The following STX18 variants were observed in gnomAD, a reference collection of about 807,000 sequenced individuals.
STX18 encodes the protein syntaxin 18.
In STX18, 40 loss-of-function variants were observed where a neutral mutation model predicts 50.1. That is an observed-to-expected ratio of 0.80 (90% CI 0.62 to 1.04). The LOEUF (loss-of-function observed/expected upper bound fraction) is 1.04, where lower values mean the gene tolerates loss of function less well. Ranked by LOEUF, STX18 falls within the 50% of genes least tolerant of loss-of-function variation. The probability of loss-of-function intolerance (pLI) is 0.00; values close to 1 mark genes in which losing one functional copy is unlikely to be tolerated. For synonymous variants in STX18, 158 were observed against 151.8 expected, an observed-to-expected ratio of 1.04 and a Z score of -0.30; for missense variants, 410 against 415.8, an observed-to-expected ratio of 0.99 and a Z score of 0.12.
intron 5 of STX18, among the ~76,000 whole-genome samples, chr4:4,446,005 G>A (rs1400950935): frequency 6.6e-6 from 1 of 152,186 alleles, no homozygotes; most frequent in Non-Finnish European, 1.5e-5. Context: ...ACTGAATAGA[G>A]TCCAGAAACA....
intron 1 of STX18, 66 bp downstream of exon 1, chr4:4,541,731 G>C: frequency 6.5e-7 from 1 of 1,541,196 alleles, no homozygotes; most frequent in Non-Finnish European, 8.8e-7. Context: ...TCTGGTTTGG[G>C]GCCCGGGGTC....
chr4:4,507,571 C>T, intron 1 of STX18: 2 of 762,834 alleles, frequency 2.6e-6, no homozygotes, highest in Non-Finnish European at 4.9e-6. Flanking sequence ...ACTCTGACAG[C>T]TGTGCACGAC....
chr4:4,447,215 T>A (rs1249461658), intron 5 of STX18, among the ~76,000 whole-genome samples: 1 of 152,208 alleles, frequency 6.6e-6, no homozygotes, highest in Non-Finnish European at 1.5e-5. Flanking sequence ...AAGATACTCA[T>A]CTGCCAGAAT....
rs1490489763 is a variant in STX18, at chr4:4,420,757, G to C, written c.912+107C>G. Reference sequence around the variant, plus strand: ...CACAATTTTGTGATCAGCCCCGTGAGCTCTGCCCAGCAAGGCTCCTGGGCA... The same window carrying C: ...CACAATTTTGTGATCAGCCCCGTGACCTCTGCCCAGCAAGGCTCCTGGGCA... On this transcript the variant is annotated intron_variant, in intron 10 of 10. Transcript: ENST00000306200. The surrounding 1 kb of genome is among the most constrained non-coding windows in gnomAD (Gnocchi z 4.3). 3 of 1,023,760 alleles carry C rather than the reference G, an allele frequency of 2.9e-6. No individual in the cohort carries two copies. The African/African-American group carries it at 4.7e-5, about 16-fold the overall frequency. 63.4% of individuals were successfully genotyped at this position (1,023,760 alleles called of 1,614,324 possible).
chr4:4,500,593 G>A (rs910976575), intron 1 of STX18, among the ~76,000 whole-genome samples: 9 of 152,166 alleles, frequency 5.9e-5, no homozygotes, highest in Non-Finnish European at 1.5e-5. Context: ...GGATACCAAG[G>A]GATGACCATA....
chr4:4,507,609 A>G (rs996603356), intron 1 of STX18: 9 of 765,702 alleles, frequency 1.2e-5, no homozygotes, highest in South Asian at 8.2e-5. Flanking sequence ...GATCTTCCCA[A>G]GCGAAATTGT....
intron 7 of STX18, among the ~76,000 whole-genome samples, chr4:4,432,646 G>A (rs1725573393): frequency 6.6e-6 from 1 of 152,250 alleles, no homozygotes; most frequent in Admixed American, 6.5e-5. Flanking sequence ...AGCAGTGAGA[G>A]GGCCCAGGGC....
At chr4:4,518,135 TA>T (rs1730365299) in intron 1 of STX18, among the ~76,000 whole-genome samples, 1 of 152,226 alleles carries the variant, frequency 6.6e-6, no homozygotes, top group South Asian at 2.1e-4. Flanking sequence ...GAAGTGGCTT[TA>T]AAACTTAAAT....
At chr4:4,485,217 G>T (rs1220650009) in intron 1 of STX18, among the ~76,000 whole-genome samples, 1 of 152,180 alleles carries the variant, frequency 6.6e-6, no homozygotes, top group East Asian at 1.9e-4. Context: ...AATGCTGAAG[G>T]TGACTACAGG....
intron 2 of STX18, among the ~76,000 whole-genome samples, chr4:4,470,527 C>T (rs1727858487): frequency 6.6e-6 from 1 of 152,018 alleles, no homozygotes; most frequent in Non-Finnish European, 1.5e-5. Flanking sequence ...CATGTACAGC[C>T]TGGTGACAAA....
chr4:4,443,219 T>C (rs1234944745), intron 5 of STX18, among the ~76,000 whole-genome samples: 1 of 152,366 alleles, frequency 6.6e-6, no homozygotes, highest in Non-Finnish European at 1.5e-5. Flanking sequence ...TTATTAATTA[T>C]AGCAATTTCG....
At chr4:4,456,827 C>T (rs1017938343) in intron 5 of STX18, among the ~76,000 whole-genome samples, 11 of 152,148 alleles carry the variant, frequency 7.2e-5, no homozygotes, top group African/African-American at 2.2e-4. Flanking sequence ...CCAGCCTCAT[C>T]GGGTTAAGAG....
chr4:4,425,201 G>C lies in STX18; in HGVS notation c.724C>G (p.Leu242Val). The C allele has an allele frequency of 1.2e-6, 2 of 1,614,166 alleles. No individual in the cohort carries two copies. ...AACAAGCTGTTCATTTCACCAATTAGTCGCTGATTTTCCTGTTCAAACTGT... is the reference window on the plus strand; with the variant it reads ...AACAAGCTGTTCATTTCACCAATTACTCGCTGATTTTCCTGTTCAAACTGT... ...IQMFEQENQRLIGEMNSLFDE... is the reference protein window; with the variant it reads ...IQMFEQENQRVIGEMNSLFDE... Residue 242 changes from leucine (L) to valine (V), a missense_variant, in exon 8 of 11, where the codon CTA becomes GTA. Physicochemically the swap from Leu to Val is conservative, Grantham distance 32. Coordinates refer to ENST00000306200, the MANE Select transcript of STX18 (RefSeq NM_016930.4).
At chr4:4,457,393 A>T in intron 4 of STX18, 30 bp downstream of exon 4, 1 of 1,596,262 alleles carries the variant, frequency 6.3e-7, no homozygotes, top group Non-Finnish European at 8.6e-7. Context: ...GTGAAATGTT[A>T]CATTTGACCT....
At chr4:4,451,392 C>T (rs373418155) in intron 5 of STX18, among the ~76,000 whole-genome samples, 6 of 152,312 alleles carry the variant, frequency 3.9e-5, no homozygotes, top group South Asian at 4.1e-4. Flanking sequence ...CAGATTTCAG[C>T]GTGGCTCTTA....
At chr4:4,435,751 G>T (rs1725742533) in intron 6 of STX18, among the ~76,000 whole-genome samples, 1 of 152,178 alleles carries the variant, frequency 6.6e-6, no homozygotes, top group Non-Finnish European at 1.5e-5. Context: ...TGCTGAAAGG[G>T]AGCGTAGGAA....
intron 1 of STX18, among the ~76,000 whole-genome samples, chr4:4,473,009 G>A (rs1261116681): frequency 1.3e-5 from 2 of 152,174 alleles, no homozygotes; most frequent in Admixed American, 1.3e-4. Context: ...AGCAAATCAG[G>A]ACTGAGAGAC....
intron 7 of STX18, among the ~76,000 whole-genome samples, chr4:4,431,564 C>T (rs754397506): frequency 1.3e-5 from 2 of 152,140 alleles, no homozygotes; most frequent in Non-Finnish European, 2.9e-5. Flanking sequence ...CAAGCCCATC[C>T]TTCAAACATC....
At chr4:4,495,957 G>A (rs537555857) in intron 1 of STX18, among the ~76,000 whole-genome samples, 1 of 152,228 alleles carries the variant, frequency 6.6e-6, no homozygotes, top group South Asian at 2.1e-4. Flanking sequence ...GTGAATAAGA[G>A]CATCTATGAT....
Sources: gnomAD v4.1 joint callset for allele counts (sites outside exome capture counted in the v4.1 genomes callset) on GRCh38, gnomAD v4.1.1 for gene constraint, Gnocchi (gnomAD v3.1) non-coding constraint, MANE v1.5 for transcripts, NCBI Gene and HGNC (gene_info 2026-07-23, HGNC 2026-07-21) for gene names.